The following NEK4 variants were observed in gnomAD, a reference collection of about 807,000 sequenced individuals.
NEK4 encodes the protein serine/threonine-protein kinase Nek4.
A neutral mutation model predicts 98.4 loss-of-function variants in NEK4; 86 were observed. The observed-to-expected ratio is 0.87, with a 90% CI of 0.73 to 1.05. The LOEUF (loss-of-function observed/expected upper bound fraction) is 1.05. NEK4 is among the 50% of genes least tolerant of loss of function. NEK4 has a pLI of 0.00. For synonymous variants in NEK4, 328 were observed against 342.2 expected, an observed-to-expected ratio of 0.96 and a Z score of 0.46; for missense variants, 898 against 950.3, an observed-to-expected ratio of 0.94 and a Z score of 0.72.
intron 6 of NEK4, chr3:52,754,020 T>C (rs941158473): frequency 3.8e-6 from 1 of 262,010 alleles, no homozygotes; most frequent in African/African-American, 2.3e-5. Flanking sequence ...AACAATTTGC[T>C]GGTGTGGTGC....
At position 52,710,163 on chromosome 3, in the gene NEK4, C is replaced by T. The variant is rs1456182932; in HGVS notation, c.*1614G>A. 1 of 151,598 alleles carries T rather than the reference C, an allele frequency of 6.6e-6. No homozygotes were observed. The highest frequency in any genetic ancestry group is 2.4e-5 in the African/African-American group (1 of 41,254). The allele number at this position is 151,598 out of a possible 1,614,324, so 9.4% of individuals were successfully genotyped here. ...AGATCACGAGGTCAGGAGATTGAGA[C>T]CATCCTGGCTAACACGGTGAAACCC... On this transcript the variant is annotated 3_prime_UTR_variant, in exon 16 of 16. Coordinates refer to ENST00000233027, the MANE Select transcript of NEK4 (RefSeq NM_003157.6).
intron 15 of NEK4, among the ~76,000 whole-genome samples, chr3:52,735,873 T>C (rs1052401385): frequency 3.3e-5 from 5 of 152,232 alleles, no homozygotes; most frequent in Middle Eastern, 3.2e-3. Flanking sequence ...AATTGATACC[T>C]GTTAGCATTC....
intron 6 of NEK4, chr3:52,753,920 A>G (rs1432133300): frequency 3.1e-6 from 1 of 320,368 alleles, no homozygotes; most frequent in South Asian, 2.7e-5. Context: ...CTATAATCCC[A>G]GCACTTTGAG....
chr3:52,714,884 A>G (rs997282694), intron 15 of NEK4, among the ~76,000 whole-genome samples: 14 of 152,184 alleles, frequency 9.2e-5, no homozygotes, highest in African/African-American at 3.4e-4. Flanking sequence ...TGGGGCAGCA[A>G]TGACACACCA....
intron 13 of NEK4, among the ~76,000 whole-genome samples, chr3:52,741,160 C>T (rs1292091868): frequency 1.4e-5 from 2 of 147,336 alleles, no homozygotes; most frequent in African/African-American, 2.5e-5. Context: ...GGTGTGAACC[C>T]GGGAGGCGGA....
Position 52,768,533 on chromosome 3 carries a change from C to G in NEK4, c.165G>C (p.Gln55His). 1.2e-6 allele frequency: 2 copies of G among 1,614,214 alleles called. No homozygotes were observed. The highest frequency in any genetic ancestry group is 4.5e-5 in the East Asian group (2 of 44,888). Residue 55 changes from glutamine (Q) to histidine (H), a missense_variant, in exon 2 of 16, where the codon CAG (glutamine) becomes CAC (histidine). Physicochemically the swap from Gln to His is conservative, Grantham distance 24. Coordinates refer to ENST00000233027, the MANE Select transcript of NEK4 (RefSeq NM_003157.6). ...TGGGATGCTTCAACTGAGACAAGAG[C>G]TGGGCTTCCTGTTCAGCAGCTCGCC... ...RERRAAEQEA[Q>H]LLSQLKHPNI...
chr3:52,731,489 G>T (rs999547177), intron 15 of NEK4, among the ~76,000 whole-genome samples: 5 of 152,230 alleles, frequency 3.3e-5, no homozygotes, highest in African/African-American at 9.6e-5. Context: ...GAATAGAAAT[G>T]AGAGTCCAGA....
At chr3:52,745,914 G>A in intron 10 of NEK4, 147 bp downstream of exon 10, 1 of 706,060 alleles carries the variant, frequency 1.4e-6, no homozygotes, top group Non-Finnish European at 2.4e-6. Context: ...GTAGAGACAA[G>A]GTCTCACTAT....
At chr3:52,714,228 A>C (rs961025792) in intron 15 of NEK4, among the ~76,000 whole-genome samples, 3 of 152,180 alleles carry the variant, frequency 2.0e-5, no homozygotes, top group Non-Finnish European at 4.4e-5. Flanking sequence ...AGAGCAACTC[A>C]AAAAAACAAA....
Position 52,739,304 on chromosome 3 carries a change from C to T in NEK4, c.2299+125G>A, listed in dbSNP as rs547154632. ...GTCCCAGCTACTTGGGAGGCTGAAG[C>T]AGGAGAATCGCTTGAACCCGGGAGG... On this transcript the variant is annotated intron_variant, in intron 14 of 15. Coordinates refer to ENST00000233027, the MANE Select transcript of NEK4 (RefSeq NM_003157.6). 184 of 727,538 alleles carry T rather than the reference C, an allele frequency of 2.5e-4. No individual in the cohort carries two copies. In the African/African-American group the frequency reaches 2.5e-3, roughly 10 times the overall value. The allele number at this position is 727,538 out of a possible 1,614,324, so 45.1% of individuals were successfully genotyped here.
At chr3:52,744,853 T>C (rs2097393253) in intron 10 of NEK4, among the ~76,000 whole-genome samples, 1 of 152,016 alleles carries the variant, frequency 6.6e-6, no homozygotes. Context: ...CCCTCGTTTC[T>C]GGGAGGTGCT....
chr3:52,740,635 C>G (rs1578655031), intron 13 of NEK4, among the ~76,000 whole-genome samples: 1 of 150,660 alleles, frequency 6.6e-6, no homozygotes, highest in African/African-American at 2.4e-5. Flanking sequence ...CAGTCTCTAC[C>G]AAAAATACAA....
chr3:52,718,758 G>GGCCCTTTT (rs913091610), intron 15 of NEK4, among the ~76,000 whole-genome samples: 18 of 152,068 alleles, frequency 1.2e-4, no homozygotes, highest in African/African-American at 4.3e-4. Context: ...ATTCATGTTA[G>GGCCCTTTT]GCCCTTTTTT....
chr3:52,723,477 A>G (rs534919933), intron 15 of NEK4, among the ~76,000 whole-genome samples: 1 of 152,194 alleles, frequency 6.6e-6, no homozygotes, highest in East Asian at 1.9e-4. Flanking sequence ...CCTGACCTTA[A>G]GTCATCTGCC....
In NEK4 at chr3:52,745,460, T is replaced by C. The variant is rs939587918; in HGVS notation, c.1827+601A>G. ...CGAGCATGGTGGCTGGCACCTGTAG[T>C]TCCAGCTACTCAGGAGGCTGAGGCA... On this transcript the variant is annotated intron_variant, in intron 10 of 15. Coordinates refer to ENST00000233027, the MANE Select transcript of NEK4 (RefSeq NM_003157.6). 3.9e-5 allele frequency among the ~76,000 whole-genome samples: 6 copies of C among 151,922 alleles called. No homozygotes were observed. The East Asian group carries it at 5.9e-4, about 15-fold the overall frequency.
At chr3:52,737,419 G>A in intron 15 of NEK4, 167 bp downstream of exon 15, 1 of 638,866 alleles carries the variant, frequency 1.6e-6, no homozygotes, top group Non-Finnish European at 2.6e-6. Context: ...TAATGAAAAT[G>A]TTCTAATATC....
intron 14 of NEK4, 125 bp from the exon 15 acceptor site, chr3:52,737,844 TG>T: frequency 1.4e-6 from 1 of 714,276 alleles, no homozygotes. Flanking sequence ...GACGGAGTCT[TG>T]CTCTGTCGCC....
intron 15 of NEK4, among the ~76,000 whole-genome samples, chr3:52,721,182 G>A (rs1297962105): frequency 2.0e-5 from 3 of 152,126 alleles, no homozygotes; most frequent in Admixed American, 2.0e-4. Context: ...CAAGAACCAG[G>A]GTAGGCAATA....
At chr3:52,750,856 AG>A (rs1311928212) in intron 7 of NEK4, among the ~76,000 whole-genome samples, 1 of 152,124 alleles carries the variant, frequency 6.6e-6, no homozygotes, top group Non-Finnish European at 1.5e-5. Flanking sequence ...ACTTAAGCCC[AG>A]GAAGTCAAGG....
Sources: allele counts gnomAD v4.1 joint callset (sites outside exome capture counted in the v4.1 genomes callset), GRCh38; gene constraint gnomAD v4.1.1; transcripts MANE v1.5; gene names NCBI Gene and HGNC (gene_info 2026-07-23, HGNC 2026-07-21).